Variants in SLC24A2 observed in about 807,000 individuals in gnomAD.
SLC24A2 encodes solute carrier family 24 member 2, also known as sodium/potassium/calcium exchanger 2.
SLC24A2 carries 36 observed loss-of-function variants against 62.0 expected under a neutral mutation model. The ratio of observed to expected loss-of-function variants is 0.58; its 90% CI spans 0.44 to 0.77. The LOEUF is 0.77. Ranked by LOEUF, SLC24A2 falls within the 30% of genes least tolerant of loss-of-function variation. SLC24A2 has a pLI of 0.00. For missense variants in SLC24A2, 846 were observed against 817.9 expected, an observed-to-expected ratio of 1.03 and a Z score of -0.42; for synonymous variants, 358 against 294.0, an observed-to-expected ratio of 1.22 and a Z score of -2.23.
chr9:19,901,632 A>C, the SLC24A2 span, among the ~76,000 whole-genome samples: 1 of 152,176 alleles, frequency 6.6e-6, no homozygotes, highest in Non-Finnish European at 1.5e-5. Context: ...GTAACATACG[A>C]CCCATGTTCA....
chr9:19,639,217 G>A (rs918471388), intron 2 of SLC24A2, among the ~76,000 whole-genome samples: 43 of 152,138 alleles, frequency 2.8e-4, no homozygotes, highest in African/African-American at 1.0e-3. Flanking sequence ...TAATTGAGTG[G>A]ATTTTCTAAC....
intron 2 of SLC24A2, among the ~76,000 whole-genome samples, chr9:19,726,186 C>T (rs536435200): frequency 3.9e-5 from 6 of 152,240 alleles, no homozygotes; most frequent in Admixed American, 6.5e-5. Flanking sequence ...CACCTCTTTG[C>T]GCACAAACAT....
chr9:20,289,961 G>C, the SLC24A2 span, among the ~76,000 whole-genome samples: 1 of 152,072 alleles, frequency 6.6e-6, no homozygotes. Flanking sequence ...ACACATTGTA[G>C]CATCACACAG....
the SLC24A2 span, among the ~76,000 whole-genome samples, chr9:19,920,303 G>A: frequency 6.6e-6 from 1 of 152,172 alleles, no homozygotes; most frequent in Admixed American, 6.5e-5. Context: ...GGTCAATGCA[G>A]TATGGCAGAA....
chr9:19,663,073 A>G (rs1479232262), intron 2 of SLC24A2, among the ~76,000 whole-genome samples: 1 of 152,228 alleles, frequency 6.6e-6, no homozygotes, highest in Admixed American at 6.5e-5. Flanking sequence ...CCTGCAAAAT[A>G]GGTAAATGGC....
chr9:20,025,101 G>A, the SLC24A2 span, among the ~76,000 whole-genome samples: 2 of 152,162 alleles, frequency 1.3e-5, no homozygotes, highest in East Asian at 1.9e-4. Context: ...AAATGTTCAC[G>A]AACAATACTT....
At chr9:20,156,561 T>A in the SLC24A2 span, among the ~76,000 whole-genome samples, 2 of 151,790 alleles carry the variant, frequency 1.3e-5, no homozygotes, top group Non-Finnish European at 2.9e-5. Flanking sequence ...TCAGATCTTT[T>A]ATTCATCAAC....
chr9:19,907,677 G>A, the SLC24A2 span, among the ~76,000 whole-genome samples: 6,356 of 151,910 alleles, frequency 0.042, 428 homozygotes, highest in African/African-American at 0.14. Context: ...ACAAGCATTC[G>A]TATACACCAA....
At chr9:19,729,785 T>C (rs1367335030) in intron 2 of SLC24A2, among the ~76,000 whole-genome samples, 1 of 152,120 alleles carries the variant, frequency 6.6e-6, no homozygotes, top group East Asian at 1.9e-4. Flanking sequence ...AGACCTGGAA[T>C]AAGTTCTAGT....
At chr9:20,145,378 C>T in the SLC24A2 span, among the ~76,000 whole-genome samples, 1 of 151,910 alleles carries the variant, frequency 6.6e-6, no homozygotes, top group Non-Finnish European at 1.5e-5. Flanking sequence ...CCACTTTTAC[C>T]CCCATGCATT....
At chr9:20,064,484 T>A in the SLC24A2 span, among the ~76,000 whole-genome samples, 1 of 152,214 alleles carries the variant, frequency 6.6e-6, no homozygotes, top group African/African-American at 2.4e-5. Context: ...CCAATAAAGC[T>A]GTACATTTTT....
At chr9:19,532,037 G>C (rs990989054) in intron 8 of SLC24A2, among the ~76,000 whole-genome samples, 1 of 152,046 alleles carries the variant, frequency 6.6e-6, no homozygotes, top group African/African-American at 2.4e-5. Flanking sequence ...ATATGAAATG[G>C]TGGAGTATTT....
At chr9:19,636,320 TTTC>T (rs1368627807) in intron 2 of SLC24A2, among the ~76,000 whole-genome samples, 2,561 of 20,768 alleles carry the variant, frequency 0.12, 296 homozygotes, top group African/African-American at 0.21. Context: ...TTTTCTTTTC[TTTC>T]TTTCTTTCTT....
At chr9:19,649,001 C>CA (rs66653116) in intron 2 of SLC24A2, among the ~76,000 whole-genome samples, 14,115 of 108,032 alleles carry the variant, frequency 0.13, 744 homozygotes, top group Non-Finnish European at 0.16. Context: ...GATTAAAAAC[C>CA]AAAAAAAAAA....
the SLC24A2 span, among the ~76,000 whole-genome samples, chr9:19,990,935 ATGTATG>A: frequency 6.0e-5 from 3 of 49,784 alleles, no homozygotes; most frequent in African/African-American, 1.3e-4. Context: ...ATATATATAT[ATGTATG>A]TATATGTATG....
chr9:20,035,161 A>C, the SLC24A2 span, among the ~76,000 whole-genome samples: 1 of 152,166 alleles, frequency 6.6e-6, no homozygotes, highest in Non-Finnish European at 1.5e-5. Flanking sequence ...GACATTAGGA[A>C]AACCATTTAA....
chr9:19,751,056 T>C (rs1044573128), intron 2 of SLC24A2, among the ~76,000 whole-genome samples: 1 of 152,332 alleles, frequency 6.6e-6, no homozygotes. Flanking sequence ...TGTTTTATGC[T>C]GACTGTGTTC....
chr9:19,709,087 G>A (rs1322718496), intron 2 of SLC24A2, among the ~76,000 whole-genome samples: 1 of 152,092 alleles, frequency 6.6e-6, no homozygotes, highest in Non-Finnish European at 1.5e-5. Context: ...ATCAAAAAGG[G>A]GGCGAAGGAT....
At chr9:20,055,364 A>T in the SLC24A2 span, among the ~76,000 whole-genome samples, 1 of 152,364 alleles carries the variant, frequency 6.6e-6, no homozygotes, top group East Asian at 1.9e-4. Context: ...CATTTTATCT[A>T]GCAATCATAA....
Sources: gnomAD v4.1 joint callset for allele counts (sites outside exome capture counted in the v4.1 genomes callset) on GRCh38, gnomAD v4.1.1 for gene constraint, MANE v1.5 for transcripts, NCBI Gene and HGNC (gene_info 2026-07-23, HGNC 2026-07-21) for gene names.